Variants in EVL observed in about 807,000 individuals in gnomAD.
EVL encodes ena/VASP-like protein.
In EVL, 21 loss-of-function variants were observed where a neutral mutation model predicts 59.6. The observed-to-expected ratio is 0.35, with a 90% CI of 0.25 to 0.51. The LOEUF (loss-of-function observed/expected upper bound fraction) is 0.51, where lower values mean the gene tolerates loss of function less well. EVL is among the 20% of genes least tolerant of loss of function. The probability of loss-of-function intolerance (pLI) is 0.97; values close to 1 mark genes in which losing one functional copy is unlikely to be tolerated. For synonymous variants in EVL, 198 were observed against 203.5 expected, an observed-to-expected ratio of 0.97 and a Z score of 0.23; for missense variants, 462 against 546.6, an observed-to-expected ratio of 0.85 and a Z score of 1.54.
At chr14:100,119,902 G>A (rs1265227187) in intron 3 of EVL, among the ~76,000 whole-genome samples, 1 of 152,184 alleles carries the variant, frequency 6.6e-6, no homozygotes, top group Non-Finnish European at 1.5e-5. Context: ...CAATTAAGAT[G>A]TGATCCGCAG....
intron 3 of EVL, among the ~76,000 whole-genome samples, chr14:100,115,971 T>TGGACAGAGCCCTGGGCC (rs1445766905): frequency 6.6e-6 from 1 of 152,194 alleles, no homozygotes; most frequent in African/African-American, 2.4e-5. Flanking sequence ...TGCACTGGGG[T>TGGACAGAGCCCTGGGCC]GGACAGAGCC....
chr14:100,111,178 TAG>T (rs1886963505), intron 3 of EVL, among the ~76,000 whole-genome samples: 1 of 128,754 alleles, frequency 7.8e-6, no homozygotes, highest in African/African-American at 3.0e-5. Flanking sequence ...TTTTTTGTGA[TAG>T]AGTCTAGCTC....
At chr14:100,036,964 A>G (rs964352575) in intron 1 of EVL, among the ~76,000 whole-genome samples, 1 of 152,206 alleles carries the variant, frequency 6.6e-6, no homozygotes, top group Non-Finnish European at 1.5e-5. Context: ...AGGGATGCTC[A>G]TGCTCAGAGG....
rs767719598 is a variant in EVL, at chr14:100,128,546, C to T, written c.515C>T (p.Ser172Leu). The change falls in exon 6 of 14, where the codon TCA becomes TTA. Residue 172 changes from serine to leucine, a missense_variant. By Grantham distance (145) the Ser-to-Leu change is moderately radical. Coordinates refer to ENST00000392920, the MANE Select transcript of EVL (RefSeq NM_016337.3). Reference protein sequence around the residue: ...TGPILPPGHPSSAASAPVSCS... With the variant: ...TGPILPPGHPLSAASAPVSCS... Reference sequence around the variant, plus strand: ...CCCATCCTCCCACCAGGACATCCTTCATCTGCAGCCAGCGCCCCCGTCTCA... The same window carrying T: ...CCCATCCTCCCACCAGGACATCCTTTATCTGCAGCCAGCGCCCCCGTCTCA... The T allele has an allele frequency of 6.2e-7, 1 of 1,611,576 alleles. No homozygotes were observed. Among genetic ancestry groups the T allele is most frequent in the South Asian group, 1.1e-5 (1 of 90,972 alleles).
At chr14:100,132,554 C>G (rs970032447) in intron 7 of EVL, among the ~76,000 whole-genome samples, 165 bp from the exon 8 acceptor site, 2 of 152,194 alleles carry the variant, frequency 1.3e-5, no homozygotes, top group Non-Finnish European at 2.9e-5. Flanking sequence ...GGGCCTGGCT[C>G]CTCACCAGAC....
intron 1 of EVL, among the ~76,000 whole-genome samples, chr14:100,073,304 G>A (rs937266299): frequency 2.7e-5 from 4 of 150,882 alleles, no homozygotes; most frequent in Admixed American, 2.0e-4. Context: ...TGCACGTACA[G>A]CACTTTTTCC....
chr14:100,132,307 A>G (rs1239228819), intron 7 of EVL, among the ~76,000 whole-genome samples: 1 of 151,012 alleles, frequency 6.6e-6, no homozygotes, highest in Non-Finnish European at 1.5e-5. Context: ...GTGACACAAG[A>G]AAGTGTCCAG....
At chr14:100,099,233 C>T (rs1209927950) in intron 3 of EVL, among the ~76,000 whole-genome samples, 1 of 149,770 alleles carries the variant, frequency 6.7e-6, no homozygotes, top group African/African-American at 2.5e-5. Context: ...TATATTGGAG[C>T]TTTAGGACCC....
chr14:99,996,888 C>T (rs2060917742), intron 1 of EVL, among the ~76,000 whole-genome samples: 1 of 152,164 alleles, frequency 6.6e-6, no homozygotes, highest in Non-Finnish European at 1.5e-5. Context: ...TGAGTTCAAG[C>T]AATCCAACTG....
At chr14:99,984,576 T>C (rs1417212558) in intron 1 of EVL, among the ~76,000 whole-genome samples, 1 of 152,224 alleles carries the variant, frequency 6.6e-6, no homozygotes, top group Non-Finnish European at 1.5e-5. Context: ...CTCCTGTTAA[T>C]TAACATCTTA....
At chr14:100,088,088 C>T (rs147454130) in intron 2 of EVL, among the ~76,000 whole-genome samples, 8 of 152,192 alleles carry the variant, frequency 5.3e-5, no homozygotes, top group African/African-American at 7.2e-5. Flanking sequence ...AAGATATTAA[C>T]GCAGTAAAAG....
intron 1 of EVL, among the ~76,000 whole-genome samples, chr14:100,007,368 G>T (rs2060989056): frequency 6.6e-6 from 1 of 152,190 alleles, no homozygotes; most frequent in South Asian, 2.1e-4. Context: ...GCAGAGGAAT[G>T]ACTTTGAATA....
chr14:100,085,539 A>C (rs540216151), intron 2 of EVL, among the ~76,000 whole-genome samples: 1 of 152,204 alleles, frequency 6.6e-6, no homozygotes, highest in Non-Finnish European at 1.5e-5. Context: ...TAGATTGACA[A>C]GAGCATTTAT....
At chr14:100,089,812 A>G (rs779413829) in intron 2 of EVL, among the ~76,000 whole-genome samples, 1 of 152,192 alleles carries the variant, frequency 6.6e-6, no homozygotes, top group Non-Finnish European at 1.5e-5. Flanking sequence ...ATGTGCCTGT[A>G]GTCCTTGCTA....
chr14:100,032,205 A>C (rs1434848927), intron 1 of EVL, among the ~76,000 whole-genome samples: 1 of 152,234 alleles, frequency 6.6e-6, no homozygotes, highest in Non-Finnish European at 1.5e-5. Context: ...ATGCAAATCA[A>C]ATGTACCTTG....
At chr14:100,018,928 A>G (rs2061075270) in intron 1 of EVL, among the ~76,000 whole-genome samples, 1 of 152,148 alleles carries the variant, frequency 6.6e-6, no homozygotes, top group Admixed American at 6.5e-5. Context: ...CAATTTTTGT[A>G]CTTCAAGGAA....
At chr14:99,991,609 G>C (rs958075217) in intron 1 of EVL, among the ~76,000 whole-genome samples, 1 of 152,122 alleles carries the variant, frequency 6.6e-6, no homozygotes, top group African/African-American at 2.4e-5. Flanking sequence ...TAAATAGAAT[G>C]ATGTCTTTTG....
chr14:100,071,366 G>A lies in EVL; in HGVS notation c.11+5855G>A, dbSNP rs575904324. ...TGTACTCCAGAGATTGACCCTCCTAGGAGTCTGTAGATCAGAACTGTATTT... is the reference window on the plus strand; with the variant it reads ...TGTACTCCAGAGATTGACCCTCCTAAGAGTCTGTAGATCAGAACTGTATTT... On this transcript the variant is annotated intron_variant, in intron 1 of 13. Transcript: ENST00000392920. 3.3e-5 allele frequency among the ~76,000 whole-genome samples: 5 copies of A among 152,202 alleles called. 1 individual carries two copies. The South Asian group carries it at 1.0e-3, about 32-fold the overall frequency.
At position 100,030,713 on chromosome 14, in the gene EVL, C is replaced by T. The variant is rs538136791; in HGVS notation, c.6-53974C>T. Reference sequence around the variant, plus strand: ...TCTTGGCTTGGTTTGCATGCAAATTCCCTGGTCTGAGAGATTAATAAGTTC... The same window carrying T: ...TCTTGGCTTGGTTTGCATGCAAATTTCCTGGTCTGAGAGATTAATAAGTTC... On this transcript the variant is annotated intron_variant, in intron 1 of 13. Coordinates refer to the EVL transcript ENST00000402714. Among the ~76,000 whole-genome samples the T allele has an allele frequency of 1.0e-3, 153 of 152,260 alleles. 1 individual carries two copies. The highest frequency in any genetic ancestry group is 3.4e-3 in the Middle Eastern group (1 of 294).
Sources: allele counts gnomAD v4.1 joint callset (sites outside exome capture counted in the v4.1 genomes callset), GRCh38; gene constraint gnomAD v4.1.1; transcripts MANE v1.5; gene names NCBI Gene and HGNC (gene_info 2026-07-23, HGNC 2026-07-21).